C12orf60: variants seen among roughly 807,000 people sequenced by gnomAD.
C12orf60 encodes uncharacterized protein C12orf60.
For missense variants in C12orf60, 284 were observed against 283.2 expected (o/e 1.00, Z -0.02); for synonymous variants, 102 against 94.6 (o/e 1.08, Z -0.45).
chr12:14,815,357 G>C (rs897149081), intron 1 of C12orf60, among the ~76,000 whole-genome samples: 1 of 152,132 alleles, frequency 6.6e-6, no homozygotes, highest in African/African-American at 2.4e-5. Context: ...TAGATGTTTG[G>C]GGAGGATGGT....
chr12:14,818,993 A>G (rs926939397), intron 1 of C12orf60, among the ~76,000 whole-genome samples: 1 of 151,908 alleles, frequency 6.6e-6, no homozygotes, highest in South Asian at 2.1e-4. Context: ...TATATATTCT[A>G]GAATTCACTG....
intron 1 of C12orf60, among the ~76,000 whole-genome samples, chr12:14,820,673 A>G (rs946839057): frequency 1.3e-5 from 2 of 152,002 alleles, no homozygotes; most frequent in African/African-American, 2.4e-5. Flanking sequence ...TTTTAATTCT[A>G]TTAAGAGAAG....
At chr12:14,807,617 T>G (rs1443288504) in intron 1 of C12orf60, among the ~76,000 whole-genome samples, 2 of 152,210 alleles carry the variant, frequency 1.3e-5, no homozygotes, top group East Asian at 3.9e-4. Flanking sequence ...AACATGTATA[T>G]CATGCTAGAA....
intron 1 of C12orf60, among the ~76,000 whole-genome samples, chr12:14,804,125 C>T (rs1188178195): frequency 6.6e-6 from 1 of 152,158 alleles, no homozygotes; most frequent in Non-Finnish European, 1.5e-5. Context: ...TACGGGGATA[C>T]ATATGCAGTC....
intron 1 of C12orf60, among the ~76,000 whole-genome samples, chr12:14,809,623 G>A (rs771685523): frequency 1.1e-4 from 17 of 152,064 alleles, no homozygotes; most frequent in Non-Finnish European, 1.9e-4. Flanking sequence ...AATTGTTAGT[G>A]TAATATATGT....
Position 14,823,751 on chromosome 12 carries a change from T to G in C12orf60, c.*78T>G. On this transcript the variant is annotated 3_prime_UTR_variant, in exon 2 of 2. Transcript: ENST00000330828. ...TTTTTCATAGTAGTTTCTAAGATCT[T>G]TTGGTGCCAAACATGTGCTATGTTA... is the stretch of plus-strand genomic sequence containing the variant. 1.3e-5 allele frequency: 18 copies of G among 1,367,188 alleles called. No individual in the cohort carries two copies. Among genetic ancestry groups the G allele is most frequent in the Non-Finnish European group, 1.8e-5 (18 of 1,023,764 alleles). 84.7% of individuals were successfully genotyped at this position (1,367,188 alleles called of 1,614,324 possible). A position where few individuals can be genotyped will look rare whatever the true frequency, so the allele number is the denominator to read the frequency against.
At chr12:14,815,462 G>C (rs1407774088) in intron 1 of C12orf60, among the ~76,000 whole-genome samples, 1 of 152,198 alleles carries the variant, frequency 6.6e-6, no homozygotes, top group African/African-American at 2.4e-5. Flanking sequence ...AAACCAACCT[G>C]CTGGTGATAC....
rs964593814 is a variant in C12orf60, at chr12:14,803,759, G to A, written c.-25+8G>A. The A allele has an allele frequency of 2.8e-6, 1 of 351,852 alleles. No individual in the cohort carries two copies. Among genetic ancestry groups the A allele is most frequent in the Non-Finnish European group, 5.1e-6 (1 of 197,152 alleles). 21.8% of individuals were successfully genotyped at this position (351,852 alleles called of 1,614,324 possible). On this transcript the variant is annotated splice_region_variant and intron_variant, in intron 1 of 1. Transcript: ENST00000330828. ...TTAGTTGCTGGGAGCCTGGTACGTT[G>A]AGCCGTCCGAGAACGGTACATTCTG...
At chr12:14,822,791 T>C (rs890493258) in intron 1 of C12orf60, 121 bp from the exon 2 acceptor site, 4 of 754,622 alleles carry the variant, frequency 5.3e-6, no homozygotes, top group Non-Finnish European at 8.3e-6. Context: ...TTTCAACGTA[T>C]GTATAGCTTT....
At chr12:14,806,156 A>T (rs1282982740) in intron 1 of C12orf60, 2 of 1,614,134 alleles carry the variant, frequency 1.2e-6, no homozygotes, top group Non-Finnish European at 1.7e-6. Context: ...TGGCACGGAC[A>T]ATCATATCTA....
chr12:14,806,380 C>T (rs1188794050), intron 1 of C12orf60: 1 of 1,614,050 alleles, frequency 6.2e-7, no homozygotes, highest in Non-Finnish European at 8.5e-7. Context: ...TCCTTAATAT[C>T]CTGAAGTTTT....
chr12:14,808,361 G>A (rs2137258342), intron 1 of C12orf60, among the ~76,000 whole-genome samples: 1 of 151,966 alleles, frequency 6.6e-6, no homozygotes, highest in East Asian at 1.9e-4. Context: ...CTTCCTATGT[G>A]GCTGGTACTT....
At chr12:14,811,988 A>T in intron 1 of C12orf60, among the ~76,000 whole-genome samples, 1 of 152,216 alleles carries the variant, frequency 6.6e-6, no homozygotes, top group East Asian at 1.9e-4. Context: ...ACACTTTTTT[A>T]AATAGAGGAG....
At chr12:14,805,377 A>G (rs915051002) in intron 1 of C12orf60, 12 of 152,224 alleles carry the variant, frequency 7.9e-5, no homozygotes, top group African/African-American at 2.9e-4. Context: ...TTTAGTTTTG[A>G]TTTTTACCAT....
At chr12:14,804,784 T>C (rs138609742) in intron 1 of C12orf60, 2 of 152,352 alleles carry the variant, frequency 1.3e-5, no homozygotes, top group East Asian at 3.9e-4. Context: ...GTTGGAAATA[T>C]TAAAGTCTTT....
intron 1 of C12orf60, among the ~76,000 whole-genome samples, chr12:14,816,020 T>C (rs996345238): frequency 1.3e-5 from 2 of 152,244 alleles, no homozygotes; most frequent in African/African-American, 4.8e-5. Context: ...GAACTTCTTT[T>C]TTCTGCAATC....
chr12:14,805,910 G>A lies in C12orf60; in HGVS notation c.-25+2159G>A. ...TGTTTATCTTATTTAAGTCCATATT[G>A]GAAGCCTATAGAAAATGAACCTAAT... On this transcript the variant is annotated intron_variant, in intron 1 of 1. Coordinates refer to ENST00000330828, the MANE Select transcript of C12orf60 (RefSeq NM_175874.4). 4.0e-6 allele frequency: 5 copies of A among 1,242,254 alleles called. 1 individual carries two copies. The South Asian group carries it at 7.4e-5, about 18-fold the overall frequency. The allele number at this position is 1,242,254 out of a possible 1,614,324, so 77.0% of individuals were successfully genotyped here. A position where few individuals can be genotyped will look rare whatever the true frequency, so the allele number is the denominator to read the frequency against.
At chr12:14,805,877 C>G (rs1950039642) in intron 1 of C12orf60, 1 of 976,650 alleles carries the variant, frequency 1.0e-6, no homozygotes, top group African/African-American at 1.6e-5. Flanking sequence ...CAGTTTCCCT[C>G]TCCAAATTGT....
At position 14,803,705 on chromosome 12, in the gene C12orf60, C is replaced by T. The variant is rs1024470938; in HGVS notation, c.-71C>T. ...AGCTGCTAACTGAGTGGCTGACGGT[C>T]CTGTCTCTCGAGTTGGAGGCATCTT... On this transcript the variant is annotated 5_prime_UTR_variant, in exon 1 of 2. Transcript: ENST00000330828. The T allele has an allele frequency of 7.7e-6, 3 of 387,412 alleles. No homozygotes were observed. Among genetic ancestry groups the T allele is most frequent in the East Asian group, 7.3e-5 (2 of 27,292 alleles). The allele number at this position is 387,412 out of a possible 1,614,324, so 24.0% of individuals were successfully genotyped here.
Sources: gnomAD v4.1 joint callset for allele counts (sites outside exome capture counted in the v4.1 genomes callset) on GRCh38, gnomAD v4.1.1 for gene constraint, MANE v1.5 for transcripts, NCBI Gene and HGNC (gene_info 2026-07-23, HGNC 2026-07-21) for gene names.